IPO5: variants seen among roughly 807,000 people sequenced by gnomAD.
The protein encoded by IPO5 is importin 5, also known as importin-5.
Under a neutral mutation model 143.3 loss-of-function variants are expected in IPO5, and 18 were observed. The observed-to-expected ratio is 0.13, with a 90% CI of 0.09 to 0.19. The LOEUF is 0.19. Ranked by LOEUF, IPO5 falls within the 10% of genes least tolerant of loss-of-function variation. The pLI is 1.00. For synonymous variants in IPO5, 477 were observed against 465.7 expected (o/e 1.02, Z -0.31); for missense variants, 1,013 against 1,336.9 (o/e 0.76, Z 3.78).
At chr13:97,999,508 C>T (rs946074920) in intron 12 of IPO5, among the ~76,000 whole-genome samples, 53 of 152,112 alleles carry the variant, frequency 3.5e-4, no homozygotes, top group African/African-American at 1.3e-3. Context: ...AAGATTTTCT[C>T]ATTTGTGAAA....
In IPO5 at chr13:97,992,943, G is replaced by C. The variant is rs751094057; in HGVS notation, c.721G>C (p.Val241Leu). 1 of 1,613,712 alleles carries C rather than the reference G, an allele frequency of 6.2e-7. No homozygotes were observed. The highest frequency in any genetic ancestry group is 8.5e-7 in the Non-Finnish European group (1 of 1,179,696). ...TGATGATTCTGTCCTAAAATCCCTC[G>C]TTGAGATTGCAGATACTGTTCCAAA... is the stretch of plus-strand genomic sequence containing the variant. ...QNDDSVLKSL[V>L]EIADTVPKYL... Residue 241 changes from valine (V) to leucine (L), a missense_variant, in exon 10 of 29, where the codon GTT (valine) becomes CTT (leucine). Physicochemically the swap from Val to Leu is conservative, Grantham distance 32. This residue lies in a region of IPO5 where 328 missense variants were observed against 342.0 expected (regional missense o/e 0.96). Coordinates refer to ENST00000651721, the MANE Select transcript of IPO5 (RefSeq NM_002271.6).
intron 2 of IPO5, among the ~76,000 whole-genome samples, chr13:97,966,230 C>T (rs970545448): frequency 1.3e-5 from 2 of 151,678 alleles, no homozygotes; most frequent in Non-Finnish European, 2.9e-5. Flanking sequence ...GAGAAAACAT[C>T]CAATTTTTCT....
At chr13:97,972,928 T>G (rs984214514) in intron 3 of IPO5, among the ~76,000 whole-genome samples, 1 of 152,026 alleles carries the variant, frequency 6.6e-6, no homozygotes, top group Non-Finnish European at 1.5e-5. Context: ...TCCCCTAGAC[T>G]CAAGTTCAAG....
In IPO5 at chr13:98,010,099, A is replaced by G. The variant is rs754019585; in HGVS notation, c.1934-4A>G. Reference sequence around the variant, plus strand: ...TATGCATTTGTTTTCTTCTCCGTTAATAGCCCAAGACATGGAGAATATGAG... The same window carrying G: ...TATGCATTTGTTTTCTTCTCCGTTAGTAGCCCAAGACATGGAGAATATGAG... On this transcript the variant is annotated splice_region_variant and splice_polypyrimidine_tract_variant and intron_variant, in intron 19 of 28. Coordinates refer to ENST00000651721, the MANE Select transcript of IPO5 (RefSeq NM_002271.6). The G allele has an allele frequency of 1.2e-6, 2 of 1,613,878 alleles. No homozygotes were observed. The highest frequency in any genetic ancestry group is 1.7e-6 in the Non-Finnish European group (2 of 1,179,898).
chr13:97,975,950 C>G (rs1886251622), intron 3 of IPO5: 1 of 985,682 alleles, frequency 1.0e-6, no homozygotes, highest in Non-Finnish European at 1.2e-6. Flanking sequence ...AGTCCACAGC[C>G]CTGGGGGAGG....
chr13:98,013,964 A>C (rs1480168944), intron 21 of IPO5, 78 bp from the exon 22 acceptor site: 1 of 1,272,188 alleles, frequency 7.9e-7, no homozygotes, highest in Non-Finnish European at 1.1e-6. Context: ...GTTGCCTAGC[A>C]CTCCTTTTAG....
At chr13:97,988,516 G>A (rs1249679076) in intron 6 of IPO5, among the ~76,000 whole-genome samples, 11 of 152,164 alleles carry the variant, frequency 7.2e-5, no homozygotes, top group Non-Finnish European at 4.4e-5. Flanking sequence ...AGCCAGGTGC[G>A]GTGGCTCACG....
intron 27 of IPO5, 102 bp from the exon 28 acceptor site, chr13:98,020,890 T>G (rs1594139522): frequency 3.2e-5 from 29 of 893,290 alleles, no homozygotes; most frequent in African/African-American, 1.7e-5. Context: ...GATTGGCTGG[T>G]TTTCTTCCTA....
intron 3 of IPO5, among the ~76,000 whole-genome samples, chr13:97,974,223 G>A (rs934707907): frequency 3.9e-5 from 6 of 151,986 alleles, no homozygotes; most frequent in Admixed American, 6.6e-5. Flanking sequence ...ACTGGAGATC[G>A]GGCCATGCCC....
intron 3 of IPO5, among the ~76,000 whole-genome samples, chr13:97,974,029 C>T (rs1324137245): frequency 6.6e-6 from 1 of 151,992 alleles, no homozygotes; most frequent in Non-Finnish European, 1.5e-5. Flanking sequence ...CACCACTGCT[C>T]TCCACCCTGG....
chr13:98,016,590 C>T, intron 24 of IPO5, 139 bp from the exon 25 acceptor site: 1 of 476,052 alleles, frequency 2.1e-6, no homozygotes, highest in Non-Finnish European at 3.5e-6. Flanking sequence ...ACTCCGGTCT[C>T]TAGACTCTTG....
Position 98,000,614 on chromosome 13 carries a change from C to G in IPO5, c.1077C>G (p.Ile359Met). Residue 359 changes from isoleucine (I) to methionine (M), a missense_variant, in exon 13 of 29, where the codon ATC becomes ATG. This residue lies in a region of IPO5 where 685 missense variants were observed against 994.9 expected (regional missense o/e 0.69). Transcript: ENST00000651721. ...GTGGAAAGCTCGTTCTGCCGATGAT[C>G]AAGGAACACATTATGCAAATGCTTC... ...GLGGKLVLPM[I>M]KEHIMQMLQN... 1 of 1,613,996 alleles carries G rather than the reference C, an allele frequency of 6.2e-7. No individual in the cohort carries two copies. The highest frequency in any genetic ancestry group is 8.5e-7 in the Non-Finnish European group (1 of 1,179,890).
intron 11 of IPO5, among the ~76,000 whole-genome samples, chr13:97,995,247 C>T (rs1888174686): frequency 1.5e-5 from 2 of 134,152 alleles, no homozygotes; most frequent in African/African-American, 5.5e-5. Flanking sequence ...GTGGTGATTT[C>T]TGTGATTTTG....
intron 2 of IPO5, among the ~76,000 whole-genome samples, chr13:97,956,273 A>C (rs921822122): frequency 6.6e-6 from 1 of 152,236 alleles, no homozygotes; most frequent in African/African-American, 2.4e-5. Context: ...CATTGGTTAC[A>C]TTTGAGAATT....
At chr13:98,001,103 G>A (rs1888733010) in intron 13 of IPO5, among the ~76,000 whole-genome samples, 1 of 151,542 alleles carries the variant, frequency 6.6e-6, no homozygotes, top group South Asian at 2.1e-4. Context: ...CAAACTCCTG[G>A]CCTCAAGCAG....
At chr13:98,013,439 T>A (rs1889874636) in intron 21 of IPO5, among the ~76,000 whole-genome samples, 1 of 152,162 alleles carries the variant, frequency 6.6e-6, no homozygotes, top group African/African-American at 2.4e-5. Context: ...CCCAGATCTG[T>A]CTGACTCCAA....
At position 97,969,749 on chromosome 13, in the gene IPO5, A is replaced by G. The variant is rs372736577; in HGVS notation, c.-86A>G. The G allele has an allele frequency of 6.3e-7, 1 of 1,587,928 alleles. No individual in the cohort carries two copies. The highest frequency in any genetic ancestry group is 1.7e-5 in the Admixed American group (1 of 59,892). ...AGAGGAAAGAAATTCCTAAGGGAAC[A>G]CTGCTCAGAAAGTACTGCAGCATGT... is the stretch of plus-strand genomic sequence containing the variant. On this transcript the variant is annotated 5_prime_UTR_variant, in exon 3 of 29. Coordinates refer to ENST00000651721, the MANE Select transcript of IPO5 (RefSeq NM_002271.6).
chr13:97,977,769 C>G (rs1886506429), intron 4 of IPO5, among the ~76,000 whole-genome samples: 1 of 152,190 alleles, frequency 6.6e-6, no homozygotes, highest in Non-Finnish European at 1.5e-5. Context: ...GAGGGAGAAA[C>G]TTTCCAGTTT....
At chr13:97,978,228 A>G (rs1325336927) in intron 4 of IPO5, among the ~76,000 whole-genome samples, 2 of 152,204 alleles carry the variant, frequency 1.3e-5, no homozygotes, top group African/African-American at 2.4e-5. Context: ...AAAATTTAAC[A>G]TACACATTCA....
Sources: allele counts gnomAD v4.1 joint callset (sites outside exome capture counted in the v4.1 genomes callset), GRCh38; gene constraint gnomAD v4.1.1; regional missense constraint gnomAD v4.1.1; transcripts MANE v1.5; gene names NCBI Gene and HGNC (gene_info 2026-07-23, HGNC 2026-07-21).